Variants in SAXO3 observed in about 807,000 individuals in gnomAD.
SAXO3 encodes CTB-60B18.10.
the SAXO3 span, chr19:49,019,702 T>A: frequency 8.4e-7 from 1 of 1,193,196 alleles, no homozygotes; most frequent in Non-Finnish European, 1.1e-6. Flanking sequence ...GGGCCCGAAG[T>A]ATTCCGGGGC....
chr19:49,018,956 A>G, the SAXO3 span: 6 of 1,534,286 alleles, frequency 3.9e-6, no homozygotes, highest in Middle Eastern at 2.1e-4. Flanking sequence ...ATACTGTGAA[A>G]GGCCGGCCAG....
the SAXO3 span, among the ~76,000 whole-genome samples, chr19:49,018,722 G>A: frequency 1.3e-5 from 2 of 152,176 alleles, no homozygotes; most frequent in East Asian, 1.9e-4. Flanking sequence ...AAAAAAGGGA[G>A]GGGCTGAGGC....
chr19:49,019,550 C>G, the SAXO3 span: 48 of 1,185,564 alleles, frequency 4.0e-5, no homozygotes, highest in Non-Finnish European at 5.2e-5. Flanking sequence ...CGCCCCAGAC[C>G]CTTTAGCCAC....
the SAXO3 span, chr19:49,019,836 G>C: frequency 7.9e-7 from 1 of 1,261,002 alleles, no homozygotes; most frequent in Middle Eastern, 1.9e-4. Context: ...AGAGACTCAC[G>C]TGAAGGAGCA....
the SAXO3 span, chr19:49,019,646 C>A: frequency 7.9e-7 from 1 of 1,265,428 alleles, no homozygotes; most frequent in South Asian, 2.4e-5. Flanking sequence ...CACCCAGACA[C>A]CTGGGAAGGA....
At chr19:49,018,020 G>A in the SAXO3 span, 1 of 398,608 alleles carries the variant, frequency 2.5e-6, no homozygotes, top group Non-Finnish European at 4.4e-6. Context: ...GGTACTGTAG[G>A]CTTTCGGCAC....
the SAXO3 span, chr19:49,019,059 G>A: frequency 2.7e-6 from 4 of 1,474,572 alleles, no homozygotes; most frequent in Non-Finnish European, 3.6e-6. Context: ...CCCATCCCAA[G>A]CCCTGGGTCC....
the SAXO3 span, chr19:49,018,445 G>A: frequency 4.5e-5 from 31 of 682,790 alleles, no homozygotes; most frequent in Non-Finnish European, 5.4e-5. Flanking sequence ...TGCATTTCCA[G>A]GCGAGCACCC....
chr19:49,019,697 C>G, the SAXO3 span: 15 of 1,211,024 alleles, frequency 1.2e-5, no homozygotes, highest in Admixed American at 5.8e-4. Flanking sequence ...GGCTGGGGCC[C>G]GAAGTATTCC....
chr19:49,018,747 TTGC>T, the SAXO3 span: 4 of 826,244 alleles, frequency 4.8e-6, no homozygotes, highest in Non-Finnish European at 7.5e-6. Context: ...ACTTTGGTTC[TTGC>T]TGCTACAGAA....
At chr19:49,018,038 A>G in the SAXO3 span, 2 of 398,654 alleles carry the variant, frequency 5.0e-6, no homozygotes, top group Non-Finnish European at 8.8e-6. Context: ...CACGCTGTAG[A>G]TGCCCCGCAG....
chr19:49,019,212 A>G, the SAXO3 span: 2 of 1,378,882 alleles, frequency 1.5e-6, no homozygotes, highest in Non-Finnish European at 9.4e-7. Context: ...TCCCAGCCTC[A>G]CCTCCCTAAA....
chr19:49,019,916 C>T, the SAXO3 span: 4 of 1,488,442 alleles, frequency 2.7e-6, no homozygotes, highest in Non-Finnish European at 3.6e-6. Flanking sequence ...TACCTTTTCT[C>T]CTAAATCCTT....
chr19:49,019,426 C>G, the SAXO3 span: 7 of 1,258,134 alleles, frequency 5.6e-6, no homozygotes, highest in Non-Finnish European at 7.0e-6. Flanking sequence ...ACCCACAGCC[C>G]GCCGTCTAGC....
chr19:49,019,456 C>T, the SAXO3 span: 1 of 1,254,964 alleles, frequency 8.0e-7, no homozygotes, highest in African/African-American at 1.6e-5. Flanking sequence ...GCTTAGGAGC[C>T]CTGAAGGTGA....
At chr19:49,019,445 A>C in the SAXO3 span, 2 of 1,255,866 alleles carry the variant, frequency 1.6e-6, no homozygotes, top group African/African-American at 1.5e-5. Flanking sequence ...GCTCCGCAGC[A>C]GCTTAGGAGC....
the SAXO3 span, chr19:49,019,819 G>T: frequency 2.4e-6 from 3 of 1,260,004 alleles, no homozygotes; most frequent in Non-Finnish European, 3.2e-6. Flanking sequence ...CTGCGGAAAG[G>T]CGACCCAGAG....
At chr19:49,019,758 G>A in the SAXO3 span, 5 of 1,204,376 alleles carry the variant, frequency 4.2e-6, no homozygotes, top group South Asian at 3.5e-5. Context: ...CCCTCGTCTC[G>A]CTGCTCTGGT....
chr19:49,018,885 C>T, the SAXO3 span: 1 of 1,534,292 alleles, frequency 6.5e-7, no homozygotes, highest in Non-Finnish European at 8.7e-7. Flanking sequence ...GGGATAGAAC[C>T]GAAAGTCCCG....
Sources: gnomAD v4.1 joint callset for allele counts (sites outside exome capture counted in the v4.1 genomes callset) on GRCh38, gnomAD v4.1.1 for gene constraint, MANE v1.5 for transcripts, NCBI Gene and HGNC (gene_info 2026-07-23, HGNC 2026-07-21) for gene names.